The following CNNM2 variants were observed in gnomAD, a reference collection of about 807,000 sequenced individuals.
CNNM2 encodes cyclin and CBS domain divalent metal cation transport mediator 2, also known as metal transporter CNNM2.
CNNM2 carries 12 observed loss-of-function variants against 66.9 expected under a neutral mutation model. That is an observed-to-expected ratio of 0.18 (90% CI 0.11 to 0.29). The LOEUF (loss-of-function observed/expected upper bound fraction) is 0.29. Ranked by LOEUF, CNNM2 falls within the 10% of genes least tolerant of loss-of-function variation. CNNM2 has a pLI of 1.00. For synonymous variants in CNNM2, 557 were observed against 501.8 expected (o/e 1.11, Z -1.47); for missense variants, 705 against 1,167.7 (o/e 0.60, Z 5.77).
intron 3 of CNNM2, among the ~76,000 whole-genome samples, chr10:103,055,426 T>C (rs1177385066): frequency 1.3e-5 from 2 of 152,244 alleles, no homozygotes; most frequent in South Asian, 2.1e-4. Flanking sequence ...TCAGAAAATA[T>C]AGCTTAATAC....
At chr10:103,001,819 A>C (rs183775355) in intron 1 of CNNM2, among the ~76,000 whole-genome samples, 1 of 151,454 alleles carries the variant, frequency 6.6e-6, no homozygotes, top group Admixed American at 6.6e-5. Context: ...GCCTAGCCAA[A>C]ATGGTGAAAC....
chr10:102,937,042 G>A (rs1161056923), intron 1 of CNNM2, among the ~76,000 whole-genome samples: 6 of 152,164 alleles, frequency 3.9e-5, no homozygotes, highest in African/African-American at 1.4e-4. Flanking sequence ...TGAAAGATGA[G>A]TAGTATTTTA....
rs185020253 is a variant in CNNM2, at chr10:103,068,359, C to G, written c.2074-270C>G. 3.8e-4 allele frequency: 136 copies of G among 361,236 alleles called. No homozygotes were observed. In the East Asian group the frequency reaches 7.1e-3, roughly 19 times the overall value. 22.4% of individuals were successfully genotyped at this position (361,236 alleles called of 1,614,324 possible). On this transcript the variant is annotated intron_variant, in intron 4 of 7. Coordinates refer to ENST00000369878, the MANE Select transcript of CNNM2 (RefSeq NM_017649.5). ...AGGAGATCTATCTCTACAAAGAAAA[C>G]TGTATTTTAAGTTTTTAATTTAAGA... is the stretch of plus-strand genomic sequence containing the variant.
At chr10:102,963,963 TG>T (rs2063422556) in intron 1 of CNNM2, among the ~76,000 whole-genome samples, 2 of 152,186 alleles carry the variant, frequency 1.3e-5, no homozygotes, top group African/African-American at 4.8e-5. Context: ...TCTGATGGAC[TG>T]AAAAAAAGAG....
intron 1 of CNNM2, chr10:102,927,752 C>CAA: frequency 8.8e-6 from 2 of 226,020 alleles, no homozygotes; most frequent in Non-Finnish European, 8.7e-6. Flanking sequence ...GACTCTGTCT[C>CAA]AAAAAAAAAG....
At position 103,076,163 on chromosome 10, in the gene CNNM2, G is replaced by T; in HGVS notation, c.2311G>T (p.Val771Phe). ...SLSRSDRIDA[V>F]TPTLGSSNNQ... is the part of the protein sequence containing the mutation. ...CAGTCGAAGCGACCGGATTGACGCC[G>T]TCACACCAACACTGGGGAGCAGCAA... Residue 771 changes from valine (V) to phenylalanine (F), a missense_variant, in exon 7 of 8, where the codon GTC becomes TTC. Physicochemically the swap from Val to Phe is conservative, Grantham distance 50. This residue lies in a region of CNNM2 where 194 missense variants were observed against 227.6 expected (regional missense o/e 0.85). Transcript: ENST00000369878. 6.2e-7 allele frequency: 1 copy of T among 1,606,726 alleles called. No individual in the cohort carries two copies. The highest frequency in any genetic ancestry group is 2.2e-5 in the East Asian group (1 of 44,618).
At chr10:103,018,552 A>C (rs901288969) in intron 1 of CNNM2, among the ~76,000 whole-genome samples, 1 of 152,188 alleles carries the variant, frequency 6.6e-6, no homozygotes, top group African/African-American at 2.4e-5. Flanking sequence ...AAAGAGATCC[A>C]AAAGTGGAGG....
At chr10:102,957,869 T>G (rs1055679335) in intron 1 of CNNM2, among the ~76,000 whole-genome samples, 6 of 152,234 alleles carry the variant, frequency 3.9e-5, no homozygotes, top group Admixed American at 2.0e-4. Context: ...ATATAGAATA[T>G]AGTACTAAAG....
In CNNM2 at chr10:103,084,958, T is replaced by C. The variant is rs1682808788; in HGVS notation, c.*7778T>C. ...TAGGTGGATAATAAACTCTTTTGCT[T>C]TCTTTGTATGGTGGTTTTGTCATTT... On this transcript the variant is annotated 3_prime_UTR_variant, in exon 8 of 8. Transcript: ENST00000369878. 6.6e-6 allele frequency: 1 copy of C among 152,182 alleles called. No homozygotes were observed. The highest frequency in any genetic ancestry group is 2.4e-5 in the African/African-American group (1 of 41,436). The allele number at this position is 152,182 out of a possible 1,614,324, so 9.4% of individuals were successfully genotyped here. A position where few individuals can be genotyped will look rare whatever the true frequency, so the allele number is the denominator to read the frequency against.
At chr10:103,000,251 A>G (rs1481948157) in intron 1 of CNNM2, among the ~76,000 whole-genome samples, 22 of 74,928 alleles carry the variant, frequency 2.9e-4, no homozygotes, top group African/African-American at 9.7e-4. Flanking sequence ...ACAAATAAAT[A>G]AATAAATAAA....
chr10:103,034,335 A>AAAAAT (rs2064888255), intron 1 of CNNM2, among the ~76,000 whole-genome samples: 1 of 148,624 alleles, frequency 6.7e-6, no homozygotes, highest in African/African-American at 2.5e-5. Flanking sequence ...TTTTGGTTTT[A>AAAAAT]AAAACAAAAC....
Position 102,919,578 on chromosome 10 carries a change from G to A in CNNM2, c.1098G>A (p.Arg366=). ...TCGTGCCCCAGGCCATCTGCTCCCG[G>A]CATGGCCTGGCTGTGGGGGCCAACA... ...GEIVPQAICS[R]HGLAVGANTI... The change falls in exon 1 of 8, where the codon CGG becomes CGA. Residue 366 remains arginine (R), a synonymous_variant. Transcript: ENST00000369878. The A allele has an allele frequency of 6.2e-7, 1 of 1,613,460 alleles. No individual in the cohort carries two copies. Among genetic ancestry groups the A allele is most frequent in the Non-Finnish European group, 8.5e-7 (1 of 1,180,042 alleles).
chr10:102,944,642 G>A (rs1458047757), intron 1 of CNNM2, among the ~76,000 whole-genome samples: 1 of 147,930 alleles, frequency 6.8e-6, no homozygotes, highest in Non-Finnish European at 1.5e-5. Context: ...TGGACCATTG[G>A]TCATTTGAAA....
chr10:103,013,641 G>A (rs960653030), intron 1 of CNNM2, among the ~76,000 whole-genome samples: 2 of 152,156 alleles, frequency 1.3e-5, no homozygotes, highest in Non-Finnish European at 2.9e-5. Flanking sequence ...TTTCTAAATC[G>A]CTGTGAATGG....
rs535534800 is a variant in CNNM2, at chr10:102,999,133, C to T, written c.1622-50574C>T. Among the ~76,000 whole-genome samples, 739 of 151,048 alleles carry T rather than the reference C, an allele frequency of 4.9e-3. 3 individuals carry two copies. The highest frequency in any genetic ancestry group is 8.2e-3 in the Non-Finnish European group (556 of 67,836). ...TCTCCCAGGCTTGAGTGTAGTGGCGCGATCTTGGCTCACTGCAAGCTCCGC... is the reference window on the plus strand; with the variant it reads ...TCTCCCAGGCTTGAGTGTAGTGGCGTGATCTTGGCTCACTGCAAGCTCCGC... On this transcript the variant is annotated intron_variant, in intron 1 of 7. Coordinates refer to ENST00000369878, the MANE Select transcript of CNNM2 (RefSeq NM_017649.5).
intron 1 of CNNM2, among the ~76,000 whole-genome samples, chr10:102,924,841 G>A (rs1845795404): frequency 6.6e-6 from 1 of 151,982 alleles, no homozygotes; most frequent in African/African-American, 2.4e-5. Flanking sequence ...TTTTCATGAT[G>A]TTGTACATTT....
rs559886381 is a variant in CNNM2 at position 102,951,834 on chromosome 10, G to C, written c.1621+31733G>C. ...TTTTTTTTTTTGAGACAGGAATTTC[G>C]CTCTTGTTGCCCAGGCTGGAGTGCA... On this transcript the variant is annotated intron_variant, in intron 1 of 7. Transcript: ENST00000369878. 7.4e-5 allele frequency among the ~76,000 whole-genome samples: 11 copies of C among 149,164 alleles called. No individual in the cohort carries two copies. The South Asian group carries it at 2.3e-3, about 32-fold the overall frequency.
intron 1 of CNNM2, among the ~76,000 whole-genome samples, chr10:102,923,475 G>T (rs1379525202): frequency 6.6e-6 from 1 of 152,140 alleles, no homozygotes; most frequent in East Asian, 1.9e-4. Flanking sequence ...AGGTCTTTGT[G>T]ACACCAGAAC....
rs1236282695 is a variant in CNNM2 at position 103,072,711 on chromosome 10, G to T, written c.2233+872G>T. Among the ~76,000 whole-genome samples, 3 of 152,224 alleles carry T rather than the reference G, an allele frequency of 2.0e-5. No homozygotes were observed. In the East Asian group the frequency reaches 5.8e-4, roughly 29 times the overall value. On this transcript the variant is annotated intron_variant, in intron 6 of 7. Transcript: ENST00000369878. ...TAAAATTGCTGGGATTTCCTAGTTG[G>T]TAACACAATTTTCCTATATTTATCT...
Sources: allele counts gnomAD v4.1 joint callset (sites outside exome capture counted in the v4.1 genomes callset), GRCh38; gene constraint gnomAD v4.1.1; regional missense constraint gnomAD v4.1.1; transcripts MANE v1.5; gene names NCBI Gene and HGNC (gene_info 2026-07-23, HGNC 2026-07-21).